Variants in ADORA2B observed in about 807,000 individuals in gnomAD.
ADORA2B encodes adenosine receptor A2b.
In ADORA2B, 18 loss-of-function variants were observed where a neutral mutation model predicts 20.8. That is an observed-to-expected ratio of 0.87 (90% confidence interval 0.60 to 1.29). ADORA2B has a LOEUF of 1.29. Among genes scored for constraint, ADORA2B ranks in the 50% most tolerant of loss-of-function variants. The probability of loss-of-function intolerance (pLI) is 0.00; values close to 1 mark genes in which losing one functional copy is unlikely to be tolerated. For synonymous variants in ADORA2B, 179 were observed against 178.3 expected (o/e 1.00, Z -0.03); for missense variants, 441 against 422.7 (o/e 1.04, Z -0.38).
the ADORA2B span, among the ~76,000 whole-genome samples, chr17:15,937,044 AGTTTCTGTT>A: frequency 1.3e-5 from 2 of 152,196 alleles, no homozygotes; most frequent in Non-Finnish European, 1.5e-5. Context: ...TCTTAGGAGC[AGTTTCTGTT>A]GTTTCTTTTT....
At chr17:15,893,722 A>G in the ADORA2B span, among the ~76,000 whole-genome samples, 1 of 152,266 alleles carries the variant, frequency 6.6e-6, no homozygotes, top group Non-Finnish European at 1.5e-5. Context: ...CTATTAACAC[A>G]TTAAAGACTT....
chr17:15,874,042 G>GTGTGTATATATATATA, the ADORA2B span, among the ~76,000 whole-genome samples: 2 of 134,816 alleles, frequency 1.5e-5, no homozygotes, highest in African/African-American at 6.4e-5. Context: ...ATATATATGT[G>GTGTGTATATATATATA]TATATATATA....
chr17:15,955,500 G>A (rs536535142), intron 1 of ADORA2B, among the ~76,000 whole-genome samples: 61 of 150,858 alleles, frequency 4.0e-4, no homozygotes, highest in African/African-American at 1.3e-3. Flanking sequence ...TCCATCTCCC[G>A]GGCTCAGGCA....
chr17:15,850,726 T>C, the ADORA2B span: 1 of 164,972 alleles, frequency 6.1e-6, no homozygotes, highest in Admixed American at 6.6e-5. Flanking sequence ...TCCCTCTAGA[T>C]GTTTTTCTTT....
the ADORA2B span, among the ~76,000 whole-genome samples, chr17:15,901,838 C>T: frequency 6.6e-6 from 1 of 152,300 alleles, no homozygotes; most frequent in African/African-American, 2.4e-5. Flanking sequence ...ACCACGAGCT[C>T]CCAAGAGCAA....
chr17:15,927,825 C>A, the ADORA2B span, among the ~76,000 whole-genome samples: 1 of 152,136 alleles, frequency 6.6e-6, no homozygotes, highest in South Asian at 2.1e-4. Context: ...ATGGAGAAGA[C>A]TCGGATCAAG....
the ADORA2B span, among the ~76,000 whole-genome samples, chr17:15,933,179 TCTC>T: frequency 1.3e-5 from 2 of 152,154 alleles, no homozygotes. Context: ...ATGGTCCCAA[TCTC>T]CTGACCTTGT....
chr17:15,915,582 T>A, the ADORA2B span, among the ~76,000 whole-genome samples: 1 of 149,716 alleles, frequency 6.7e-6, no homozygotes, highest in African/African-American at 2.4e-5. Context: ...ACAGCCCCAA[T>A]AGGAGATAGA....
intron 1 of ADORA2B, among the ~76,000 whole-genome samples, chr17:15,969,720 C>A (rs1409782730): frequency 6.6e-6 from 1 of 152,242 alleles, no homozygotes; most frequent in Non-Finnish European, 1.5e-5. Flanking sequence ...TTTGCTGTCA[C>A]CCTGGCCCAA....
chr17:15,869,213 G>C, the ADORA2B span, among the ~76,000 whole-genome samples: 1 of 151,498 alleles, frequency 6.6e-6, no homozygotes, highest in Admixed American at 6.6e-5. Context: ...CCAGCTACTC[G>C]GGAGGCTGAG....
chr17:15,873,044 T>A, the ADORA2B span, among the ~76,000 whole-genome samples: 1 of 152,188 alleles, frequency 6.6e-6, no homozygotes, highest in South Asian at 2.1e-4. Context: ...GGGTTTGTCA[T>A]ATATCCACAT....
At chr17:15,927,071 G>T in the ADORA2B span, among the ~76,000 whole-genome samples, 1 of 152,218 alleles carries the variant, frequency 6.6e-6, no homozygotes, top group East Asian at 1.9e-4. Flanking sequence ...AATAGGCTGG[G>T]CACGGTGACT....
chr17:15,897,681 T>C, the ADORA2B span, among the ~76,000 whole-genome samples: 2 of 152,162 alleles, frequency 1.3e-5, no homozygotes, highest in African/African-American at 4.8e-5. Flanking sequence ...ATCACAAGTG[T>C]CCAATAGACA....
At chr17:15,903,697 A>G in the ADORA2B span, among the ~76,000 whole-genome samples, 24 of 152,228 alleles carry the variant, frequency 1.6e-4, no homozygotes, top group Non-Finnish European at 2.9e-4. Flanking sequence ...CCACATTACA[A>G]AAGTTATTCC....
At chr17:15,878,213 A>ACT in the ADORA2B span, among the ~76,000 whole-genome samples, 1 of 142,194 alleles carries the variant, frequency 7.0e-6, no homozygotes, top group Admixed American at 7.0e-5. Context: ...ACACACACAC[A>ACT]CATTATATAA....
the ADORA2B span, among the ~76,000 whole-genome samples, chr17:15,918,076 C>T: frequency 9.8e-3 from 1,499 of 152,324 alleles, 33 homozygotes; most frequent in African/African-American, 0.034. Context: ...AGTCTGCGCT[C>T]GGGGTGGCAG....
At chr17:15,932,613 G>C in the ADORA2B span, among the ~76,000 whole-genome samples, 1 of 152,114 alleles carries the variant, frequency 6.6e-6, no homozygotes, top group South Asian at 2.1e-4. Flanking sequence ...ATTTTGAGTT[G>C]ATTTTTGTAT....
chr17:15,881,596 C>T, the ADORA2B span, among the ~76,000 whole-genome samples: 7 of 152,308 alleles, frequency 4.6e-5, no homozygotes, highest in South Asian at 2.1e-4. Context: ...TTCCTATTCC[C>T]GGTCTTCAAC....
At chr17:15,923,206 A>ATTTTTTT in the ADORA2B span, among the ~76,000 whole-genome samples, 129 of 113,478 alleles carry the variant, frequency 1.1e-3, 2 homozygotes, top group African/African-American at 2.9e-3. Context: ...TCTTTTTTTA[A>ATTTTTTT]TTTTTTTTTT....
Sources: allele counts gnomAD v4.1 joint callset (sites outside exome capture counted in the v4.1 genomes callset), GRCh38; gene constraint gnomAD v4.1.1; transcripts MANE v1.5; gene names NCBI Gene and HGNC (gene_info 2026-07-23, HGNC 2026-07-21).